The following ANK2 variants were observed in gnomAD, a reference collection of about 807,000 sequenced individuals.
The protein encoded by ANK2 is ankyrin-2.
Under a neutral mutation model 360.5 loss-of-function variants are expected in ANK2, and 83 were observed. The observed-to-expected ratio is 0.23, with a 90% CI of 0.19 to 0.28. ANK2 has a LOEUF of 0.28. ANK2 is among the 10% of genes least tolerant of loss of function. ANK2 has a pLI of 1.00. For synonymous variants in ANK2, 1,740 were observed against 1,759.5 expected (o/e 0.99, Z 0.28); for missense variants, 4,201 against 4,795.7 (o/e 0.88, Z 3.66).
chr4:112,932,487 G>A (rs557449921), intron 2 of ANK2, among the ~76,000 whole-genome samples: 4 of 123,334 alleles, frequency 3.2e-5, no homozygotes, highest in African/African-American at 1.3e-4. Flanking sequence ...GTGAGACTCC[G>A]TCTCAAAAAA....
chr4:112,779,431 A>G, the ANK2 span, among the ~76,000 whole-genome samples: 3 of 152,062 alleles, frequency 2.0e-5, no homozygotes, highest in Non-Finnish European at 4.4e-5. Context: ...AGGCAGGATA[A>G]TGGCGTGAAC....
At chr4:113,378,347 C>T (rs1361931150) in intron 45 of ANK2, among the ~76,000 whole-genome samples, 1 of 152,194 alleles carries the variant, frequency 6.6e-6, no homozygotes, top group African/African-American at 2.4e-5. Flanking sequence ...ATTGAAGTAT[C>T]ATCCCTGAAG....
At chr4:113,091,295 A>G (rs1388818534) in intron 1 of ANK2, among the ~76,000 whole-genome samples, 2 of 152,198 alleles carry the variant, frequency 1.3e-5, no homozygotes, top group African/African-American at 4.8e-5. Flanking sequence ...AGAAAGGAGG[A>G]CAATAATTAT....
At chr4:113,015,708 T>C (rs1434076117) in intron 2 of ANK2, among the ~76,000 whole-genome samples, 2 of 152,234 alleles carry the variant, frequency 1.3e-5, no homozygotes, top group Non-Finnish European at 2.9e-5. Context: ...TTAAAAGTAG[T>C]ATAAAAACCT....
At chr4:113,169,540 G>C (rs992762558) in intron 1 of ANK2, among the ~76,000 whole-genome samples, 1 of 152,148 alleles carries the variant, frequency 6.6e-6, no homozygotes, top group Non-Finnish European at 1.5e-5. Flanking sequence ...TGTGCTTTAC[G>C]TAAGGTTAGC....
chr4:113,183,516 T>A (rs2098456697), intron 2 of ANK2, among the ~76,000 whole-genome samples: 1 of 151,994 alleles, frequency 6.6e-6, no homozygotes, highest in Admixed American at 6.6e-5. Context: ...AGGTAATGAA[T>A]AAAATAACGA....
chr4:112,873,376 A>G (rs957180669), intron 1 of ANK2, among the ~76,000 whole-genome samples: 1 of 151,760 alleles, frequency 6.6e-6, no homozygotes, highest in Non-Finnish European at 1.5e-5. Context: ...CTTTCACTGC[A>G]TTTCTTAAGT....
intron 10 of ANK2, among the ~76,000 whole-genome samples, chr4:113,250,258 T>G (rs1373187070): frequency 6.6e-6 from 1 of 152,216 alleles, no homozygotes; most frequent in African/African-American, 2.4e-5. Context: ...AAATGAATCT[T>G]TTTGCTCATC....
In ANK2 at chr4:113,357,248, C is replaced by T. The variant is rs763136492; in HGVS notation, c.8630C>T (p.Thr2877Ile). 20 of 1,614,004 alleles carry T rather than the reference C, an allele frequency of 1.2e-5. No individual in the cohort carries two copies. Among genetic ancestry groups the T allele is most frequent in the Non-Finnish European group, 1.7e-5 (20 of 1,179,984 alleles). The change falls in exon 38 of 46, where the codon ACA becomes ATA. Residue 2877 changes from threonine (T) to isoleucine (I), a missense_variant. Around this residue, in one of 4 missense-constraint regions of ANK2, gnomAD observed 2,642 missense variants for 2,714.5 expected, o/e 0.97. Coordinates refer to ENST00000357077, the MANE Select transcript of ANK2 (RefSeq NM_001148.6). ...TCTTCTATTCAAAAAACAGAGGTCA[C>T]AAAAACTGATGAAACATTTGAGAAC... ...ATSSIQKTEV[T>I]KTDETFENLP...
chr4:113,257,241 C>T (rs2049993681), intron 11 of ANK2, among the ~76,000 whole-genome samples: 1 of 152,130 alleles, frequency 6.6e-6, no homozygotes, highest in Admixed American at 6.5e-5. Flanking sequence ...ATATAATACA[C>T]GATGAGTAAG....
intron 4 of ANK2, among the ~76,000 whole-genome samples, chr4:113,202,491 A>G (rs1480854890): frequency 6.6e-6 from 1 of 152,216 alleles, no homozygotes; most frequent in Admixed American, 6.5e-5. Flanking sequence ...ACATCTTTCT[A>G]AGAACATAAT....
chr4:113,126,432 T>G (rs2095663800), intron 1 of ANK2, among the ~76,000 whole-genome samples: 1 of 152,204 alleles, frequency 6.6e-6, no homozygotes, highest in African/African-American at 2.4e-5. Flanking sequence ...GCCAGAATGC[T>G]TAATTAAACC....
chr4:113,003,918 T>C (rs2051767281), intron 2 of ANK2, among the ~76,000 whole-genome samples: 1 of 152,198 alleles, frequency 6.6e-6, no homozygotes. Flanking sequence ...CTGAATACTG[T>C]AGCAATCATA....
chr4:113,193,167 T>C (rs1450514109), intron 2 of ANK2, among the ~76,000 whole-genome samples: 2 of 152,196 alleles, frequency 1.3e-5, no homozygotes, highest in Non-Finnish European at 2.9e-5. Context: ...TTTAAGTTAA[T>C]GAAGGCTTAG....
intron 2 of ANK2, among the ~76,000 whole-genome samples, chr4:113,188,032 C>G (rs2098564030): frequency 6.6e-6 from 1 of 152,136 alleles, no homozygotes; most frequent in Non-Finnish European, 1.5e-5. Flanking sequence ...ACATACTTCT[C>G]TACTTTAAAA....
At chr4:113,044,600 C>G (rs950121189) in intron 2 of ANK2, among the ~76,000 whole-genome samples, 6 of 152,138 alleles carry the variant, frequency 3.9e-5, no homozygotes, top group African/African-American at 1.2e-4. Flanking sequence ...GTCTTCAGGG[C>G]TATGTTCCTT....
chr4:112,726,695 CAAAAAATT>C, the ANK2 span, among the ~76,000 whole-genome samples: 1 of 151,548 alleles, frequency 6.6e-6, no homozygotes, highest in Non-Finnish European at 1.5e-5. Context: ...ACTAAAAATA[CAAAAAATT>C]AGCCGGGTGT....
intron 1 of ANK2, among the ~76,000 whole-genome samples, chr4:113,119,764 G>A (rs755819352): frequency 2.0e-5 from 3 of 152,090 alleles, no homozygotes; most frequent in Admixed American, 6.5e-5. Flanking sequence ...TATGGGGCTT[G>A]AAAGAAAATA....
chr4:112,862,658 G>A (rs1467056651), intron 1 of ANK2, among the ~76,000 whole-genome samples: 3 of 152,094 alleles, frequency 2.0e-5, no homozygotes, highest in Admixed American at 6.5e-5. Context: ...ATACTCAAAT[G>A]TGTGCTTTTA....
Sources: allele counts gnomAD v4.1 joint callset (sites outside exome capture counted in the v4.1 genomes callset), GRCh38; gene constraint gnomAD v4.1.1; regional missense constraint gnomAD v4.1.1; transcripts MANE v1.5; gene names NCBI Gene and HGNC (gene_info 2026-07-23, HGNC 2026-07-21).